Variants in JAZF1 observed in about 807,000 individuals in gnomAD.
The protein encoded by JAZF1 is juxtaposed with another zinc finger protein 1.
Under a neutral mutation model 26.4 loss-of-function variants are expected in JAZF1, and 8 were observed. That is an observed-to-expected ratio of 0.30 (90% CI 0.18 to 0.55). JAZF1 has a LOEUF of 0.55. Ranked by LOEUF, JAZF1 falls within the 20% of genes least tolerant of loss-of-function variation. The pLI is 0.94. For synonymous variants in JAZF1, 126 were observed against 122.3 expected (o/e 1.03, Z -0.20); for missense variants, 199 against 322.0 (o/e 0.62, Z 2.92).
chr7:28,102,588 T>A (rs1264042124), intron 1 of JAZF1, among the ~76,000 whole-genome samples: 3 of 38,270 alleles, frequency 7.8e-5, no homozygotes, highest in African/African-American at 5.7e-4. Flanking sequence ...TTAGCACAAA[T>A]TCATTTTTTG....
At chr7:27,987,794 T>A (rs1785762422) in intron 2 of JAZF1, among the ~76,000 whole-genome samples, 1 of 152,256 alleles carries the variant, frequency 6.6e-6, no homozygotes, top group South Asian at 2.1e-4. Flanking sequence ...TGTTACTGTG[T>A]CTGTGTAGAA....
intron 2 of JAZF1, among the ~76,000 whole-genome samples, chr7:27,899,578 G>C (rs574510953): frequency 6.6e-6 from 1 of 151,958 alleles, no homozygotes; most frequent in Non-Finnish European, 1.5e-5. Flanking sequence ...GAGACTACAG[G>C]CACGCCCCCC....
intron 2 of JAZF1, among the ~76,000 whole-genome samples, chr7:27,976,317 C>T (rs1385568845): frequency 7.5e-6 from 1 of 133,750 alleles, no homozygotes. Context: ...TGCACTCCAG[C>T]CTGGGCAACA....
intron 1 of JAZF1, among the ~76,000 whole-genome samples, chr7:28,043,459 T>A (rs1783438959): frequency 1.3e-5 from 2 of 152,156 alleles, no homozygotes. Flanking sequence ...CTACTTTTTA[T>A]TCATATTTGT....
intron 2 of JAZF1, among the ~76,000 whole-genome samples, chr7:27,918,957 A>G (rs1011506677): frequency 4.6e-5 from 7 of 152,198 alleles, no homozygotes; most frequent in African/African-American, 1.7e-4. Flanking sequence ...CCAATAACCT[A>G]AACATGGGAC....
chr7:27,856,108 C>T (rs968745728), intron 3 of JAZF1, among the ~76,000 whole-genome samples: 12 of 152,144 alleles, frequency 7.9e-5, no homozygotes, highest in African/African-American at 1.9e-4. Flanking sequence ...TGCGGACCCT[C>T]GTGGTGTGTG....
intron 1 of JAZF1, among the ~76,000 whole-genome samples, chr7:28,123,980 C>G (rs1008358227): frequency 6.6e-6 from 1 of 152,208 alleles, no homozygotes; most frequent in African/African-American, 2.4e-5. Flanking sequence ...ACTGAGTGAA[C>G]AGGAGACGCA....
chr7:27,978,790 T>C (rs1562547209), intron 2 of JAZF1, among the ~76,000 whole-genome samples: 1 of 152,074 alleles, frequency 6.6e-6, no homozygotes, highest in African/African-American at 2.4e-5. Context: ...AAGAAAACCA[T>C]TTTATTTAAC....
At chr7:28,167,148 A>G (rs1269893987) in intron 1 of JAZF1, among the ~76,000 whole-genome samples, 2 of 152,212 alleles carry the variant, frequency 1.3e-5, no homozygotes, top group African/African-American at 2.4e-5. Flanking sequence ...TCCCATGCTC[A>G]TTGCACAGAA....
At chr7:28,034,672 T>C (rs1402462689) in intron 1 of JAZF1, among the ~76,000 whole-genome samples, 1 of 152,176 alleles carries the variant, frequency 6.6e-6, no homozygotes, top group Non-Finnish European at 1.5e-5. Context: ...GACTTCCCTA[T>C]ACTCACATAC....
At chr7:27,882,323 CA>C (rs949967217) in intron 3 of JAZF1, among the ~76,000 whole-genome samples, 1 of 147,892 alleles carries the variant, frequency 6.8e-6, no homozygotes, top group Non-Finnish European at 1.5e-5. Context: ...TTTTTTTAAA[CA>C]AAAAAACAAA....
intron 1 of JAZF1, among the ~76,000 whole-genome samples, chr7:28,080,955 C>G (rs962258116): frequency 1.3e-5 from 2 of 150,606 alleles, no homozygotes; most frequent in Admixed American, 1.3e-4. Context: ...AAAAAAAATG[C>G]ACTGTCTGCC....
chr7:28,054,698 C>T (rs192920538), intron 1 of JAZF1, among the ~76,000 whole-genome samples: 6 of 152,212 alleles, frequency 3.9e-5, no homozygotes, highest in Admixed American at 2.6e-4. Context: ...GGTAAATGTG[C>T]CTCGTGTATC....
intron 2 of JAZF1, among the ~76,000 whole-genome samples, chr7:27,982,064 G>T (rs1785594787): frequency 6.6e-6 from 1 of 152,252 alleles, no homozygotes; most frequent in African/African-American, 2.4e-5. Flanking sequence ...CAGAACATGG[G>T]TGATTTCTGC....
intron 1 of JAZF1, among the ~76,000 whole-genome samples, chr7:28,086,180 TTC>T (rs987044020): frequency 3.9e-5 from 6 of 152,220 alleles, no homozygotes; most frequent in Non-Finnish European, 7.3e-5. Context: ...ATCCCAATAA[TTC>T]TGTTTTACAA....
chr7:27,899,047 T>C (rs184119208), intron 2 of JAZF1, among the ~76,000 whole-genome samples: 24 of 152,292 alleles, frequency 1.6e-4, no homozygotes. Context: ...TCCCCTGCAC[T>C]AGCATGCTGC....
At chr7:28,135,934 CTTATT>C (rs1267291461) in intron 1 of JAZF1, among the ~76,000 whole-genome samples, 1 of 152,184 alleles carries the variant, frequency 6.6e-6, no homozygotes, top group African/African-American at 2.4e-5. Context: ...TACTGGCTCT[CTTATT>C]TTAAGCAACT....
At chr7:28,017,038 A>G (rs1782906773) in intron 1 of JAZF1, among the ~76,000 whole-genome samples, 1 of 152,176 alleles carries the variant, frequency 6.6e-6, no homozygotes, top group Non-Finnish European at 1.5e-5. Context: ...TACTCTCTTC[A>G]CTGGCACTTA....
chr7:27,845,696 CAAAAAAAAAAA>C (rs796643520), intron 3 of JAZF1, among the ~76,000 whole-genome samples: 1 of 51,130 alleles, frequency 2.0e-5, no homozygotes, highest in Admixed American at 2.0e-4. Context: ...GACTCTGCCT[CAAAAAAAAAAA>C]AAAAAAAGAA....
Sources: allele counts gnomAD v4.1 joint callset (sites outside exome capture counted in the v4.1 genomes callset), GRCh38; gene constraint gnomAD v4.1.1; transcripts MANE v1.5; gene names NCBI Gene and HGNC (gene_info 2026-07-23, HGNC 2026-07-21).